Variants in IQCJ observed in about 807,000 individuals in gnomAD.
IQCJ encodes the protein IQ motif containing J.
In IQCJ, 9 loss-of-function variants were observed where a neutral mutation model predicts 11.0. The ratio of observed to expected loss-of-function variants is 0.82; its 90% CI spans 0.49 to 1.43. The LOEUF is 1.43. IQCJ is among the 40% of genes most tolerant of loss of function. IQCJ has a pLI of 0.00. For missense variants in IQCJ, 146 were observed against 133.2 expected (o/e 1.10, Z -0.47); for synonymous variants, 55 against 51.3 (o/e 1.07, Z -0.31).
At chr3:159,121,764 T>TTACCAA (rs1719394675) in intron 1 of IQCJ, among the ~76,000 whole-genome samples, 1 of 152,190 alleles carries the variant, frequency 6.6e-6, no homozygotes, top group East Asian at 1.9e-4. Context: ...CTTGTATTGG[T>TTACCAA]TACCAAACGC....
chr3:159,236,650 C>G (rs1726610700), intron 1 of IQCJ, among the ~76,000 whole-genome samples: 1 of 152,134 alleles, frequency 6.6e-6, no homozygotes, highest in African/African-American at 2.4e-5. Context: ...CCACTGAGGT[C>G]CGAGGGCAAA....
At chr3:159,180,284 T>TTC (rs143775271) in intron 1 of IQCJ, among the ~76,000 whole-genome samples, 3 of 150,714 alleles carry the variant, frequency 2.0e-5, no homozygotes, top group Non-Finnish European at 3.0e-5. Context: ...CTCAGGACAT[T>TTC]TCTCTCTCTC....
chr3:159,134,985 A>G (rs1277697332), intron 1 of IQCJ, among the ~76,000 whole-genome samples: 1 of 152,188 alleles, frequency 6.6e-6, no homozygotes, highest in Non-Finnish European at 1.5e-5. Flanking sequence ...TATACTAAAA[A>G]TGTCAGACCT....
chr3:159,144,948 AG>A (rs1449363254), intron 1 of IQCJ, among the ~76,000 whole-genome samples: 1 of 152,210 alleles, frequency 6.6e-6, no homozygotes, highest in Admixed American at 6.5e-5. Flanking sequence ...GATGGTTAAA[AG>A]TCTCCTCAGA....
downstream of IQCJ, among the ~76,000 whole-genome samples, chr3:159,264,989 T>C (rs1232483313): frequency 6.6e-6 from 1 of 152,068 alleles, no homozygotes. Context: ...TGCCCAGAAT[T>C]CTAATAGAAG....
At chr3:159,213,895 T>C (rs974900107) in intron 1 of IQCJ, among the ~76,000 whole-genome samples, 5 of 152,158 alleles carry the variant, frequency 3.3e-5, no homozygotes, top group African/African-American at 4.8e-5. Flanking sequence ...GACCCCATTT[T>C]CTCCTCCTAC....
chr3:159,187,799 T>C (rs917578468), intron 1 of IQCJ, among the ~76,000 whole-genome samples: 5 of 152,216 alleles, frequency 3.3e-5, no homozygotes, highest in Non-Finnish European at 7.3e-5. Context: ...TGACGCCCCA[T>C]AATTCTCACA....
At chr3:159,254,129 C>T (rs1032839251) in intron 3 of IQCJ, among the ~76,000 whole-genome samples, 1 of 152,176 alleles carries the variant, frequency 6.6e-6, no homozygotes, top group Non-Finnish European at 1.5e-5. Context: ...ACATAGGTTG[C>T]TTTATCATTA....
At chr3:159,168,183 C>A (rs9833862) in intron 1 of IQCJ, among the ~76,000 whole-genome samples, 1 of 152,134 alleles carries the variant, frequency 6.6e-6, no homozygotes, top group Admixed American at 6.5e-5. Context: ...GCTAGGGATC[C>A]GGCCTTTACC....
chr3:159,237,304 A>T (rs898740187), intron 1 of IQCJ, among the ~76,000 whole-genome samples: 1 of 152,206 alleles, frequency 6.6e-6, no homozygotes, highest in African/African-American at 2.4e-5. Flanking sequence ...AACAAACCAG[A>T]ACAGTGTTTT....
At chr3:159,070,702 A>G (rs1367715872) in intron 1 of IQCJ, among the ~76,000 whole-genome samples, 1 of 152,134 alleles carries the variant, frequency 6.6e-6, no homozygotes, top group African/African-American at 2.4e-5. Context: ...TAGCATTCAC[A>G]AAGTAGGTTT....
intron 1 of IQCJ, among the ~76,000 whole-genome samples, chr3:159,104,966 A>G (rs1718160293): frequency 6.6e-6 from 1 of 152,214 alleles, no homozygotes; most frequent in Non-Finnish European, 1.5e-5. Flanking sequence ...TCCGGGTTGA[A>G]TGGTTCACTT....
chr3:159,093,591 T>G (rs147583153), intron 1 of IQCJ, among the ~76,000 whole-genome samples: 5 of 151,592 alleles, frequency 3.3e-5, no homozygotes, highest in Non-Finnish European at 5.9e-5. Context: ...GATGAGGAGG[T>G]AGAGGCTGGG....
chr3:159,090,066 C>T (rs1717132607), intron 1 of IQCJ, among the ~76,000 whole-genome samples: 1 of 151,658 alleles, frequency 6.6e-6, no homozygotes, highest in African/African-American at 2.4e-5. Flanking sequence ...TACTTTTGGT[C>T]TTTGATGATG....
chr3:159,161,848 T>C (rs368612664), intron 1 of IQCJ, among the ~76,000 whole-genome samples: 1 of 151,948 alleles, frequency 6.6e-6, no homozygotes, highest in Non-Finnish European at 1.5e-5. Context: ...TGTAGATATG[T>C]GGCGTTATTT....
At position 159,122,127 on chromosome 3, in the gene IQCJ, T is replaced by G. The variant is rs1231296409; in HGVS notation, c.9+52686T>G. On this transcript the variant is annotated intron_variant, in intron 1 of 3. Coordinates refer to ENST00000397832, the MANE Select transcript of IQCJ (RefSeq NM_001042706.3). ...ATTTATTGGCTTTTTATTGGTTCAT[T>G]GTGCTGTGGTAAGATAGAGAGTTAT... 3.9e-5 allele frequency among the ~76,000 whole-genome samples: 6 copies of G among 152,170 alleles called. No homozygotes were observed. In the East Asian group the frequency reaches 1.2e-3, roughly 29 times the overall value.
At chr3:159,135,832 AC>A in intron 1 of IQCJ, among the ~76,000 whole-genome samples, 1 of 152,314 alleles carries the variant, frequency 6.6e-6, no homozygotes, top group South Asian at 2.1e-4. Context: ...ATGAATTTAT[AC>A]CCACATTCAT....
At position 159,159,504 on chromosome 3, in the gene IQCJ, T is replaced by C. The variant is rs886962422; in HGVS notation, c.10-86339T>C. Among the ~76,000 whole-genome samples the C allele has an allele frequency of 2.0e-5, 3 of 152,220 alleles. No homozygotes were observed. The East Asian group carries it at 5.8e-4, about 29-fold the overall frequency. The stretch of plus-strand genomic sequence containing the variant: ...TACAGCTAGATAGTTATTTTATGTG[T>C]TGATAAATAAGCACAGGTACTACAT... On this transcript the variant is annotated intron_variant, in intron 1 of 3. Transcript: ENST00000397832.
chr3:159,258,225 A>G (rs948219042), intron 3 of IQCJ, among the ~76,000 whole-genome samples: 9 of 152,166 alleles, frequency 5.9e-5, no homozygotes, highest in African/African-American at 1.7e-4. Context: ...TTTCAGCTCT[A>G]CTTGCTGAAA....
Sources: gnomAD v4.1 joint callset for allele counts (sites outside exome capture counted in the v4.1 genomes callset) on GRCh38, gnomAD v4.1.1 for gene constraint, MANE v1.5 for transcripts, NCBI Gene and HGNC (gene_info 2026-07-23, HGNC 2026-07-21) for gene names.